The following ATXN7 variants were observed in gnomAD, a reference collection of about 807,000 sequenced individuals.
The protein encoded by ATXN7 is ataxin 7.
In ATXN7, 12 loss-of-function variants were observed where a neutral mutation model predicts 70.5. The observed-to-expected ratio is 0.17, with a 90% CI of 0.11 to 0.28. ATXN7 has a LOEUF of 0.28. Among genes scored for constraint, ATXN7 ranks in the 10% least tolerant of loss-of-function variants. The probability of loss-of-function intolerance (pLI) is 1.00; values close to 1 mark genes in which losing one functional copy is unlikely to be tolerated. For synonymous variants in ATXN7, 498 were observed against 448.7 expected, an observed-to-expected ratio of 1.11 and a Z score of -1.39; for missense variants, 1,256 against 1,131.7, an observed-to-expected ratio of 1.11 and a Z score of -1.58.
chr3:63,962,178 C>G (rs1330251885), intron 5 of ATXN7, among the ~76,000 whole-genome samples: 1 of 152,152 alleles, frequency 6.6e-6, no homozygotes, highest in Non-Finnish European at 1.5e-5. Flanking sequence ...AAATCCCACT[C>G]TTGAGGTTTA....
At chr3:63,943,550 T>C (rs111315541) in intron 4 of ATXN7, among the ~76,000 whole-genome samples, 1 of 152,156 alleles carries the variant, frequency 6.6e-6, no homozygotes, top group African/African-American at 2.4e-5. Flanking sequence ...ATTTGAAGCA[T>C]TTACATATAT....
In ATXN7 at chr3:63,904,808, A is replaced by G. The variant is rs565866608; in HGVS notation, c.-12+6311A>G. 4 of 152,270 alleles carry G rather than the reference A, an allele frequency of 2.6e-5. No individual in the cohort carries two copies. In the East Asian group the frequency reaches 7.7e-4, roughly 29 times the overall value. The allele number at this position is 152,270 out of a possible 1,614,324, so 9.4% of individuals were successfully genotyped here. A position where few individuals can be genotyped will look rare whatever the true frequency, so the allele number is the denominator to read the frequency against. Reference sequence around the variant, plus strand: ...GTGTTTAACCTTTTAAGTAACTACCACTGTTTTCCACAATGGCTGCACTGT... The same window carrying G: ...GTGTTTAACCTTTTAAGTAACTACCGCTGTTTTCCACAATGGCTGCACTGT... On this transcript the variant is annotated intron_variant, in intron 2 of 12. Coordinates refer to ENST00000674280, the MANE Select transcript of ATXN7 (RefSeq NM_001377405.1).
chr3:63,896,624 A>C (rs1201637661), intron 1 of ATXN7, among the ~76,000 whole-genome samples: 2 of 152,224 alleles, frequency 1.3e-5, no homozygotes, highest in East Asian at 1.9e-4. Context: ...GGTTATTGGA[A>C]GATCAAATGA....
chr3:63,954,698 T>TG (rs1280400517), intron 5 of ATXN7, among the ~76,000 whole-genome samples: 1 of 146,318 alleles, frequency 6.8e-6, no homozygotes, highest in Non-Finnish European at 1.5e-5. Flanking sequence ...TAGGAAAAAG[T>TG]GTTTTTTTTT....
At chr3:63,969,248 C>T (rs2075273726) in intron 5 of ATXN7, among the ~76,000 whole-genome samples, 1 of 152,028 alleles carries the variant, frequency 6.6e-6, no homozygotes, top group South Asian at 2.1e-4. Context: ...TTCTTATTTC[C>T]ATGTTCTGGT....
At chr3:63,983,104 C>G in intron 8 of ATXN7, 83 bp downstream of exon 8, 1 of 1,106,654 alleles carries the variant, frequency 9.0e-7, no homozygotes, top group South Asian at 1.3e-5. Context: ...CACAGTCTCT[C>G]TAACCCAGAG....
chr3:63,940,938 A>T (rs1211914118), intron 4 of ATXN7, among the ~76,000 whole-genome samples: 2 of 152,164 alleles, frequency 1.3e-5, no homozygotes, highest in Non-Finnish European at 2.9e-5. Context: ...GGATTTGCTG[A>T]CAGTATTTTG....
chr3:63,882,304 A>C (rs1360006454), intron 1 of ATXN7, among the ~76,000 whole-genome samples: 1 of 151,956 alleles, frequency 6.6e-6, no homozygotes, highest in Non-Finnish European at 1.5e-5. Context: ...ACATTTACAC[A>C]GTGCATGGTA....
chr3:63,970,068 G>A (rs552272952), intron 5 of ATXN7, among the ~76,000 whole-genome samples: 2 of 152,298 alleles, frequency 1.3e-5, no homozygotes, highest in African/African-American at 4.8e-5. Context: ...TCTGAGGATA[G>A]CAGAGAGAAG....
At position 63,996,305 on chromosome 3, in the gene ATXN7, C is replaced by G. The variant is rs373370935; in HGVS notation, c.2483C>G (p.Pro828Arg). Reference protein sequence around the residue: ...SHGSFSHSHTPLDKLIGKKRK... With the variant: ...SHGSFSHSHTRLDKLIGKKRK... ...GGCAGTTTTTCCCACTCACACACTC[C>G]TCTAGACAAACTCATAGGAAAGAAA... Residue 828 changes from proline (P) to arginine (R), a missense_variant, in exon 12 of 13, where the codon CCT becomes CGT. Coordinates refer to ENST00000674280, the MANE Select transcript of ATXN7 (RefSeq NM_001377405.1). The G allele has an allele frequency of 1.2e-6, 2 of 1,614,044 alleles. No homozygotes were observed.
At chr3:63,921,429 A>C (rs751503400) in intron 4 of ATXN7, among the ~76,000 whole-genome samples, 1 of 152,208 alleles carries the variant, frequency 6.6e-6, no homozygotes, top group Admixed American at 6.5e-5. Context: ...GGCAATTTAT[A>C]TGTACTTCCC....
At chr3:63,935,436 T>TA (rs950682626) in intron 4 of ATXN7, among the ~76,000 whole-genome samples, 24 of 151,574 alleles carry the variant, frequency 1.6e-4, no homozygotes, top group South Asian at 6.3e-4. Flanking sequence ...AAGGGTACAT[T>TA]AAAAAAAAAT....
intron 4 of ATXN7, among the ~76,000 whole-genome samples, chr3:63,946,720 T>A (rs1332231969): frequency 6.6e-6 from 1 of 151,526 alleles, no homozygotes; most frequent in Non-Finnish European, 1.5e-5. Context: ...CAGAATCACA[T>A]TGACTGAGGC....
At chr3:63,928,705 G>T (rs747186124) in intron 4 of ATXN7, among the ~76,000 whole-genome samples, 2 of 152,152 alleles carry the variant, frequency 1.3e-5, no homozygotes, top group Non-Finnish European at 2.9e-5. Context: ...GCGATTCCTG[G>T]TCTGGCTCAC....
intron 1 of ATXN7, among the ~76,000 whole-genome samples, chr3:63,885,389 G>A (rs1703057679): frequency 6.6e-6 from 1 of 152,138 alleles, no homozygotes; most frequent in Non-Finnish European, 1.5e-5. Flanking sequence ...AAACCACAGT[G>A]AGATATCACC....
intron 4 of ATXN7, among the ~76,000 whole-genome samples, chr3:63,938,235 CTG>C (rs1177053298): frequency 6.6e-6 from 1 of 152,158 alleles, no homozygotes; most frequent in Non-Finnish European, 1.5e-5. Context: ...AGAAGTAAAA[CTG>C]AGATAAGAGA....
At chr3:63,959,913 C>G (rs2075098460) in intron 5 of ATXN7, among the ~76,000 whole-genome samples, 2 of 152,260 alleles carry the variant, frequency 1.3e-5, no homozygotes, top group South Asian at 4.1e-4. Context: ...AGGCATTGCC[C>G]TCCACTGAGG....
At chr3:63,884,251 A>ACT (rs1703010359) in intron 1 of ATXN7, among the ~76,000 whole-genome samples, 1 of 151,710 alleles carries the variant, frequency 6.6e-6, no homozygotes, top group Non-Finnish European at 1.5e-5. Flanking sequence ...ATACTCTCAC[A>ACT]CACACACACA....
At chr3:63,935,780 T>G (rs1217725299) in intron 4 of ATXN7, among the ~76,000 whole-genome samples, 1 of 152,162 alleles carries the variant, frequency 6.6e-6, no homozygotes, top group Non-Finnish European at 1.5e-5. Context: ...TAGTCACTGT[T>G]TTGCCCTTTC....
Sources: allele counts gnomAD v4.1 joint callset (sites outside exome capture counted in the v4.1 genomes callset), GRCh38; gene constraint gnomAD v4.1.1; transcripts MANE v1.5; gene names NCBI Gene and HGNC (gene_info 2026-07-23, HGNC 2026-07-21).